Variants in RPH3A observed in about 807,000 individuals in gnomAD.
RPH3A encodes rabphilin 3A.
A neutral mutation model predicts 102.2 loss-of-function variants in RPH3A; 48 were observed. The ratio of observed to expected loss-of-function variants is 0.47; its 90% CI spans 0.37 to 0.60. The LOEUF is 0.60. Among genes scored for constraint, RPH3A ranks in the 20% least tolerant of loss-of-function variants. The pLI is 0.00. For synonymous variants in RPH3A, 310 were observed against 324.3 expected (o/e 0.96, Z 0.47); for missense variants, 781 against 910.1 (o/e 0.86, Z 1.83).
chr12:112,653,155 C>T (rs1171117256), intron 1 of RPH3A, among the ~76,000 whole-genome samples: 3 of 151,920 alleles, frequency 2.0e-5, no homozygotes, highest in Non-Finnish European at 4.4e-5. Flanking sequence ...CTTTGGGAGG[C>T]CGAGGTGGAT....
At chr12:112,799,913 T>C (rs192730296) in intron 2 of RPH3A, among the ~76,000 whole-genome samples, 1 of 152,254 alleles carries the variant, frequency 6.6e-6, no homozygotes, top group East Asian at 1.9e-4. Flanking sequence ...CCAGGCAGTG[T>C]TGATGCTGCT....
chr12:112,685,831 C>T (rs2040259538), intron 1 of RPH3A, among the ~76,000 whole-genome samples: 1 of 152,190 alleles, frequency 6.6e-6, no homozygotes, highest in Non-Finnish European at 1.5e-5. Context: ...TTCTGGTTAC[C>T]TCTCCATACT....
intron 1 of RPH3A, among the ~76,000 whole-genome samples, chr12:112,657,257 T>C (rs1474160966): frequency 6.6e-6 from 1 of 152,202 alleles, no homozygotes; most frequent in Non-Finnish European, 1.5e-5. Flanking sequence ...GAAATGTCTG[T>C]TTATATTCTT....
At chr12:112,701,590 T>C (rs2040394573) in intron 1 of RPH3A, among the ~76,000 whole-genome samples, 1 of 152,106 alleles carries the variant, frequency 6.6e-6, no homozygotes, top group Admixed American at 6.5e-5. Flanking sequence ...TGTGGGAGGA[T>C]GTTTGCCAAA....
intron 1 of RPH3A, among the ~76,000 whole-genome samples, chr12:112,657,086 C>T (rs923248988): frequency 1.3e-5 from 2 of 152,228 alleles, no homozygotes; most frequent in African/African-American, 4.8e-5. Flanking sequence ...CTTTCCTCCA[C>T]ATCCTTGCCA....
chr12:112,811,265 A>G (rs982360084), intron 2 of RPH3A, among the ~76,000 whole-genome samples: 1 of 152,148 alleles, frequency 6.6e-6, no homozygotes, highest in African/African-American at 2.4e-5. Flanking sequence ...ATCTTGTTTT[A>G]TGTGTATTTC....
At chr12:112,713,152 G>A (rs768833379) in intron 1 of RPH3A, among the ~76,000 whole-genome samples, 4 of 147,770 alleles carry the variant, frequency 2.7e-5, no homozygotes, top group Non-Finnish European at 4.5e-5. Flanking sequence ...GGCTGGTCTC[G>A]AACTCCTGGG....
intron 1 of RPH3A, among the ~76,000 whole-genome samples, chr12:112,701,719 C>T (rs1466923065): frequency 6.6e-6 from 1 of 152,140 alleles, no homozygotes; most frequent in Non-Finnish European, 1.5e-5. Flanking sequence ...GTCTGTGGTT[C>T]AAGGCCTTGA....
intron 4 of RPH3A, among the ~76,000 whole-genome samples, chr12:112,844,046 G>A (rs2136183564): frequency 6.6e-6 from 1 of 152,294 alleles, no homozygotes; most frequent in Non-Finnish European, 1.5e-5. Context: ...ATCACAGGAG[G>A]CATTCAAGCA....
chr12:112,805,960 T>C (rs1165689190), intron 2 of RPH3A, among the ~76,000 whole-genome samples: 4 of 152,218 alleles, frequency 2.6e-5, no homozygotes, highest in African/African-American at 9.6e-5. Context: ...CTTGAATAAA[T>C]AACCCATTAG....
intron 1 of RPH3A, among the ~76,000 whole-genome samples, chr12:112,714,549 T>C (rs1368165621): frequency 1.3e-5 from 2 of 152,218 alleles, no homozygotes; most frequent in African/African-American, 2.4e-5. Flanking sequence ...TATTTGCATA[T>C]TGCTGAATAA....
chr12:112,789,256 C>G (rs144641363), upstream of RPH3A, among the ~76,000 whole-genome samples: 705 of 152,348 alleles, frequency 4.6e-3, 3 homozygotes, highest in Admixed American at 0.012. Context: ...GGCTTGCATT[C>G]TATACTCAAC....
At chr12:112,585,108 T>G (rs1428615123) in intron 1 of RPH3A, among the ~76,000 whole-genome samples, 1 of 152,114 alleles carries the variant, frequency 6.6e-6, no homozygotes, top group Admixed American at 6.5e-5. Flanking sequence ...GCAGGAAGCA[T>G]CCAGCAGGGG....
At chr12:112,778,734 G>C (rs896408959) in intron 1 of RPH3A, among the ~76,000 whole-genome samples, 1 of 152,140 alleles carries the variant, frequency 6.6e-6, no homozygotes, top group East Asian at 1.9e-4. Context: ...GGCAGCCCCA[G>C]GCTTACATTG....
At chr12:112,750,979 G>T (rs1346581850) in intron 1 of RPH3A, among the ~76,000 whole-genome samples, 2 of 152,142 alleles carry the variant, frequency 1.3e-5, no homozygotes, top group African/African-American at 2.4e-5. Flanking sequence ...TGGAGAGACA[G>T]ATGGAAGAGG....
At chr12:112,795,883 C>G (rs11611340) in intron 2 of RPH3A, among the ~76,000 whole-genome samples, 7,706 of 152,208 alleles carry the variant, frequency 0.051, 259 homozygotes, top group African/African-American at 0.081. Flanking sequence ...TGTTCGCAAT[C>G]GGGGCGATGT....
At chr12:112,664,231 AAAGGGTGAAGGTCAGACCAGG>A (rs1418783914) in intron 1 of RPH3A, among the ~76,000 whole-genome samples, 2 of 152,136 alleles carry the variant, frequency 1.3e-5, no homozygotes, top group African/African-American at 4.8e-5. Context: ...TGGAGGCAAG[AAAGGGTGAAGGTCAGACCAGG>A]AAGGAAGAAG....
At chr12:112,610,504 A>AC (rs2039631401) in intron 1 of RPH3A, among the ~76,000 whole-genome samples, 1 of 142,668 alleles carries the variant, frequency 7.0e-6, no homozygotes, top group South Asian at 2.4e-4. Flanking sequence ...CTCTGTCTCA[A>AC]TTAAAAAAAA....
In RPH3A at chr12:112,671,778, G is replaced by C. The variant is rs115848730; in HGVS notation, c.-140+96459G>C. On this transcript the variant is annotated intron_variant, in intron 1 of 21. Transcript: ENST00000543106. ...AATTACAGAGTAGCAGAGAGTACAT[G>C]AGTAGCCTCTGGAGGCCAACAGACT... Among the ~76,000 whole-genome samples, 321 of 152,070 alleles carry C rather than the reference G, an allele frequency of 2.1e-3. 2 individuals are homozygous for C. The highest frequency in any genetic ancestry group is 7.6e-3 in the African/African-American group (317 of 41,472).
Sources: allele counts gnomAD v4.1 joint callset (sites outside exome capture counted in the v4.1 genomes callset), GRCh38; gene constraint gnomAD v4.1.1; transcripts MANE v1.5; gene names NCBI Gene and HGNC (gene_info 2026-07-23, HGNC 2026-07-21).